Variants in UNC13C observed in about 807,000 individuals in gnomAD.
The protein encoded by UNC13C is protein unc-13 homolog C.
In UNC13C, 174 loss-of-function variants were observed where a neutral mutation model predicts 245.4. The observed-to-expected ratio is 0.71, with a 90% CI of 0.63 to 0.80. The LOEUF (loss-of-function observed/expected upper bound fraction) is 0.80. Ranked by LOEUF, UNC13C falls within the 30% of genes least tolerant of loss-of-function variation. The pLI, the probability that UNC13C is intolerant of heterozygous loss-of-function variation, is 0.00. For synonymous variants in UNC13C, 992 were observed against 895.1 expected, an observed-to-expected ratio of 1.11 and a Z score of -1.93; for missense variants, 2,829 against 2,602.9, an observed-to-expected ratio of 1.09 and a Z score of -1.89.
chr15:54,593,246 C>A (rs1898899020), intron 30 of UNC13C, among the ~76,000 whole-genome samples: 1 of 152,166 alleles, frequency 6.6e-6, no homozygotes, highest in Non-Finnish European at 1.5e-5. Flanking sequence ...AAGATTCTTT[C>A]CTTTGTCTTA....
In UNC13C at chr15:54,201,390, A is replaced by G. The variant is rs1270747159; in HGVS notation, c.3072-33640A>G. Among the ~76,000 whole-genome samples the G allele has an allele frequency of 3.9e-5, 6 of 152,208 alleles. No homozygotes were observed. The East Asian group carries it at 9.6e-4, about 24-fold the overall frequency. ...AGAAAACTACAGACCAATACTCCTG[A>G]TGAATATAGATGCAAAAATCGTCAA... On this transcript the variant is annotated intron_variant, in intron 4 of 32. Transcript: ENST00000260323.
At chr15:54,379,411 A>C (rs1356115049) in intron 17 of UNC13C, among the ~76,000 whole-genome samples, 9 of 152,174 alleles carry the variant, frequency 5.9e-5, no homozygotes, top group Admixed American at 5.9e-4. Flanking sequence ...ACTGGCACCC[A>C]AAAGTAAGTG....
In UNC13C at chr15:54,284,849, G is replaced by C. The variant is rs577443411; in HGVS notation, c.3819-9046G>C. 2.6e-4 allele frequency among the ~76,000 whole-genome samples: 39 copies of C among 152,080 alleles called. 2 individuals carry two copies. In the South Asian group the frequency reaches 7.9e-3, roughly 31 times the overall value. ...ATTCACTTACTGTTATTATTCAACT[G>C]TTTTAATGTTATTTATTAGTCATCA... On this transcript the variant is annotated intron_variant, in intron 10 of 32. Coordinates refer to ENST00000260323, the MANE Select transcript of UNC13C (RefSeq NM_001080534.3).
intron 4 of UNC13C, among the ~76,000 whole-genome samples, chr15:54,192,372 A>G (rs1173485964): frequency 6.6e-6 from 1 of 152,060 alleles, no homozygotes. Flanking sequence ...TGTGTCATCT[A>G]ATAAAGGAGC....
At position 54,521,531 on chromosome 15, in the gene UNC13C, A is replaced by C. The variant is rs77927682; in HGVS notation, c.5458-4018A>C. 7.2e-3 allele frequency among the ~76,000 whole-genome samples: 1,103 copies of C among 152,304 alleles called. 14 individuals carry two copies. The highest frequency in any genetic ancestry group is 0.026 in the African/African-American group (1,064 of 41,580). ...TAACTCTAGCAAGAGCTTGAGGGTC[A>C]GTTTAACAATTGCTGCTGTAAGAGA... On this transcript the variant is annotated intron_variant, in intron 24 of 32. Coordinates refer to ENST00000260323, the MANE Select transcript of UNC13C (RefSeq NM_001080534.3).
Position 54,506,763 on chromosome 15 carries a change from A to G in UNC13C, c.5302-354A>G, listed in dbSNP as rs563961542. 3.9e-5 allele frequency among the ~76,000 whole-genome samples: 6 copies of G among 152,236 alleles called. No homozygotes were observed. The South Asian group carries it at 1.0e-3, about 26-fold the overall frequency. ...AAAGCTTTTTTGTCTTTACTTTTCT[A>G]TCAAAAGAGATGACATTTCTACTGC... On this transcript the variant is annotated intron_variant, in intron 22 of 32. Transcript: ENST00000260323.
rs577478083 is a variant in UNC13C, at chr15:54,026,248, T to C, written c.2983+10362T>C. 7.2e-5 allele frequency among the ~76,000 whole-genome samples: 11 copies of C among 152,336 alleles called. 1 individual carries two copies. The South Asian group carries it at 2.1e-3, about 29-fold the overall frequency. On this transcript the variant is annotated intron_variant, in intron 2 of 32. Coordinates refer to ENST00000260323, the MANE Select transcript of UNC13C (RefSeq NM_001080534.3). ...CATAAAACGTTAATGGAGTAGACTA[T>C]GGCTGAAGTCCTCAAGTCTCTATTC...
intron 14 of UNC13C, among the ~76,000 whole-genome samples, chr15:54,330,208 A>G (rs1221504147): frequency 6.6e-6 from 1 of 152,066 alleles, no homozygotes; most frequent in Non-Finnish European, 1.5e-5. Flanking sequence ...TTATACAGCA[A>G]ACACTAATGT....
At chr15:54,370,432 A>G (rs1391165719) in intron 17 of UNC13C, among the ~76,000 whole-genome samples, 1 of 152,290 alleles carries the variant, frequency 6.6e-6, no homozygotes, top group Non-Finnish European at 1.5e-5. Flanking sequence ...CTTACTTGTC[A>G]TTAAGCCTAG....
chr15:54,367,189 C>T (rs1382852395), intron 17 of UNC13C, among the ~76,000 whole-genome samples: 3 of 152,108 alleles, frequency 2.0e-5, no homozygotes, highest in Non-Finnish European at 4.4e-5. Context: ...ATGCCAACCC[C>T]TACACACTTT....
the UNC13C span, among the ~76,000 whole-genome samples, chr15:53,916,177 C>G: frequency 5.0e-4 from 76 of 152,196 alleles, 1 homozygote; most frequent in South Asian, 2.9e-3. Context: ...CCCACAATTG[C>G]CTGTAGTACA....
At chr15:54,142,431 T>G (rs2032065312) in intron 2 of UNC13C, among the ~76,000 whole-genome samples, 1 of 152,226 alleles carries the variant, frequency 6.6e-6, no homozygotes, top group Non-Finnish European at 1.5e-5. Flanking sequence ...TCACTTAACC[T>G]CTTTAGGCAT....
intron 2 of UNC13C, among the ~76,000 whole-genome samples, chr15:54,131,077 T>C (rs1453431612): frequency 6.6e-6 from 1 of 152,198 alleles, no homozygotes; most frequent in African/African-American, 2.4e-5. Context: ...CACTGAAGAT[T>C]AGTTTTGAGT....
At chr15:54,385,420 C>G (rs993384629) in intron 17 of UNC13C, among the ~76,000 whole-genome samples, 2 of 151,342 alleles carry the variant, frequency 1.3e-5, no homozygotes, top group African/African-American at 4.9e-5. Flanking sequence ...GAGGTCATTA[C>G]ATTAAGTACA....
chr15:54,480,969 G>A (rs1031788925), intron 19 of UNC13C, among the ~76,000 whole-genome samples: 1 of 152,164 alleles, frequency 6.6e-6, no homozygotes, highest in Non-Finnish European at 1.5e-5. Context: ...AGATGCACTA[G>A]CTGTAGGGTC....
intron 8 of UNC13C, among the ~76,000 whole-genome samples, chr15:54,259,972 C>A (rs747574870): frequency 3.3e-4 from 50 of 151,400 alleles, no homozygotes; most frequent in Non-Finnish European, 1.3e-4. Flanking sequence ...CAGGAGTTTG[C>A]AAGAATTTCA....
intron 4 of UNC13C, among the ~76,000 whole-genome samples, chr15:54,203,177 A>G (rs2034576584): frequency 6.6e-6 from 1 of 151,904 alleles, no homozygotes. Context: ...TCAAAAAATA[A>G]TAGATGTTGG....
intron 2 of UNC13C, among the ~76,000 whole-genome samples, chr15:54,103,604 A>G (rs16974109): frequency 0.021 from 3,130 of 152,206 alleles, 90 homozygotes; most frequent in African/African-American, 0.068. Context: ...TTGTTTCCCT[A>G]TCATTATTGA....
intron 30 of UNC13C, among the ~76,000 whole-genome samples, chr15:54,590,376 G>C (rs1386012974): frequency 6.6e-6 from 1 of 152,126 alleles, no homozygotes; most frequent in Non-Finnish European, 1.5e-5. Context: ...ATGGCTTTTG[G>C]CAGTATGCTC....
Sources: allele counts gnomAD v4.1 joint callset (sites outside exome capture counted in the v4.1 genomes callset), GRCh38; gene constraint gnomAD v4.1.1; transcripts MANE v1.5; gene names NCBI Gene and HGNC (gene_info 2026-07-23, HGNC 2026-07-21).